Variants in ADAMTSL2 observed in about 807,000 individuals in gnomAD.
ADAMTSL2 encodes ADAMTS like 2.
Under a neutral mutation model 117.0 loss-of-function variants are expected in ADAMTSL2, and 55 were observed. That is an observed-to-expected ratio of 0.47 (90% CI 0.38 to 0.59). The LOEUF is 0.59. Among genes scored for constraint, ADAMTSL2 ranks in the 20% least tolerant of loss-of-function variants. ADAMTSL2 has a pLI of 0.00. For missense variants in ADAMTSL2, 1,182 were observed against 1,354.5 expected (o/e 0.87, Z 2.00); for synonymous variants, 572 against 566.4 (o/e 1.01, Z -0.14).
At position 133,562,737 on chromosome 9, in the gene ADAMTSL2, C is replaced by T. The variant is rs1224713562; in HGVS notation, c.1747+1442C>T. ...TTGGCCAGGCTCGCACCGCCGTGGGCGGCGTGGTGGGCACCGGCTTGGCCA... is the reference window on the plus strand; with the variant it reads ...TTGGCCAGGCTCGCACCGCCGTGGGTGGCGTGGTGGGCACCGGCTTGGCCA... On this transcript the variant is annotated intron_variant, in intron 12 of 18. Coordinates refer to ENST00000651351, the MANE Select transcript of ADAMTSL2 (RefSeq NM_014694.4). Among the ~76,000 whole-genome samples, 15 of 122,650 alleles carry T rather than the reference C, an allele frequency of 1.2e-4. 1 individual carries two copies. The highest frequency in any genetic ancestry group is 1.7e-4 in the Admixed American group (2 of 12,036). The allele number at this position is 122,650 out of a possible 152,430, so 80.5% of individuals were successfully genotyped here.
chr9:133,539,702 TA>T, intron 4 of ADAMTSL2, 68 bp from the exon 5 acceptor site: 1 of 369,218 alleles, frequency 2.7e-6, no homozygotes, highest in Non-Finnish European at 4.0e-6. Flanking sequence ...ACTTCCTGCT[TA>T]GCCTGGACAA....
rs781523067 is a variant in ADAMTSL2, at chr9:133,554,896, G to T, written c.1276+203G>T. On this transcript the variant is annotated intron_variant, in intron 10 of 18. Coordinates refer to ENST00000651351, the MANE Select transcript of ADAMTSL2 (RefSeq NM_014694.4). The surrounding 1 kb of genome is among the most constrained non-coding windows in gnomAD (Gnocchi z 5.2). ...TGTCCATGCATTCTTTGAGGTAGAT[G>T]TGGTTATCCCCATTTGATGGATGGG... 6.6e-6 allele frequency among the ~76,000 whole-genome samples: 1 copy of T among 152,216 alleles called. No individual in the cohort carries two copies. The highest frequency in any genetic ancestry group is 2.1e-4 in the South Asian group (1 of 4,836).
intron 4 of ADAMTSL2, 85 bp from the exon 5 acceptor site, chr9:133,539,686 G>GTCCCGGCTGTCCCGGCTGTC (rs1554810799): frequency 1.7e-3 from 2,201 of 1,305,678 alleles, no homozygotes; most frequent in Non-Finnish European, 2.0e-3. Context: ...TGTCCCGGCT[G>GTCCCGGCTGTCCCGGCTGTC]CAGCCACTTC....
At chr9:133,537,218 G>A (rs1830072799) in intron 2 of ADAMTSL2, among the ~76,000 whole-genome samples, 187 bp from the exon 3 acceptor site, 1 of 152,184 alleles carries the variant, frequency 6.6e-6, no homozygotes, top group African/African-American at 2.4e-5. Flanking sequence ...ACGGTTCCTT[G>A]GGAGTTCCCC....
chr9:133,546,740 C>T (rs954434367), intron 8 of ADAMTSL2, among the ~76,000 whole-genome samples: 1 of 152,202 alleles, frequency 6.6e-6, no homozygotes, highest in Non-Finnish European at 1.5e-5. Context: ...ACCTCATTAC[C>T]TTGCAGCCCC....
In ADAMTSL2 at chr9:133,566,917, AC is replaced by A. The variant is rs113710813; in HGVS notation, c.1748-15del. The A allele has an allele frequency of 6.3e-6, 10 of 1,599,514 alleles. No individual in the cohort carries two copies. The African/African-American group carries it at 1.1e-4, about 17-fold the overall frequency. ...AGGTGCCGGCATGGCTCACAGACCC[AC>A]CCCTGTCCCCAACCCAGGGGTCATG... On this transcript the variant is annotated intron_variant, in intron 12 of 18. Transcript: ENST00000651351.
At chr9:133,539,100 C>T (rs181015447) in intron 4 of ADAMTSL2, among the ~76,000 whole-genome samples, 133 of 152,186 alleles carry the variant, frequency 8.7e-4, no homozygotes, top group East Asian at 5.8e-3. Flanking sequence ...GGGGTGTGTG[C>T]GCACGTGCAG....
chr9:133,549,787 C>T (rs558241547), intron 9 of ADAMTSL2, among the ~76,000 whole-genome samples: 1 of 152,308 alleles, frequency 6.6e-6, no homozygotes, highest in African/African-American at 2.4e-5. Context: ...CCGTGTGTGG[C>T]CGCAGCCTAA....
rs1464941039 is a variant in ADAMTSL2, at chr9:133,562,897, G to A, written c.1747+1602G>A. Among the ~76,000 whole-genome samples, 3 of 119,030 alleles carry A rather than the reference G, an allele frequency of 2.5e-5. No homozygotes were observed. The South Asian group carries it at 7.4e-4, about 29-fold the overall frequency. The allele number at this position is 119,030 out of a possible 152,430, so 78.1% of individuals were successfully genotyped here. Reference sequence around the variant, plus strand: ...GCGTGGTGGGCACCCGGCTTGGCCAGGCTTGCACCGCTGTGGGCGGCGTGG... The same window carrying A: ...GCGTGGTGGGCACCCGGCTTGGCCAAGCTTGCACCGCTGTGGGCGGCGTGG... On this transcript the variant is annotated intron_variant, in intron 12 of 18. Coordinates refer to ENST00000651351, the MANE Select transcript of ADAMTSL2 (RefSeq NM_014694.4).
intron 12 of ADAMTSL2, among the ~76,000 whole-genome samples, chr9:133,563,650 G>A (rs1445775246): frequency 1.3e-5 from 2 of 152,112 alleles, no homozygotes; most frequent in African/African-American, 2.4e-5. Context: ...CAGGGAGGGG[G>A]CTGGACTGGG....
intron 1 of ADAMTSL2, 119 bp from the exon 2 acceptor site, chr9:133,536,444 A>G: frequency 7.2e-7 from 1 of 1,395,376 alleles, no homozygotes; most frequent in South Asian, 1.5e-5. Flanking sequence ...CAAGGGTGGC[A>G]CAGGCTTAGC....
chr9:133,537,439 G>A lies in ADAMTSL2; in HGVS notation c.125G>A (p.Gly42Asp), dbSNP rs200619761. Residue 42 changes from glycine (G) to aspartate (D), a missense_variant, in exon 3 of 19, where the codon GGC becomes GAC. Coordinates refer to ENST00000651351, the MANE Select transcript of ADAMTSL2 (RefSeq NM_014694.4). The part of the protein sequence containing the change: ...NSPTSNSLEG[G>D]TDATAFWWGE... The stretch of plus-strand genomic sequence containing the variant: ...CCAACATCCAATAGCCTGGAGGGGG[G>A]CACCGACGCCACGGCCTTCTGGTGG... 4.5e-6 allele frequency: 6 copies of A among 1,347,514 alleles called. No homozygotes were observed. Among genetic ancestry groups the A allele is most frequent in the Non-Finnish European group, 5.8e-6 (6 of 1,041,098 alleles). The allele number at this position is 1,347,514 out of a possible 1,614,324, so 83.5% of individuals were successfully genotyped here. A position where few individuals can be genotyped will look rare whatever the true frequency, so the allele number is the denominator to read the frequency against.
Position 133,568,263 on chromosome 9 carries a change from C to T in ADAMTSL2, c.1875-10C>T. Reference sequence around the variant, plus strand: ...GGGGGATCATTGAAGGCCATCCGCTCCCGGGGCAGGTGGGAGACGAGCAGC... The same window carrying T: ...GGGGGATCATTGAAGGCCATCCGCTTCCGGGGCAGGTGGGAGACGAGCAGC... On this transcript the variant is annotated splice_polypyrimidine_tract_variant and intron_variant, in intron 13 of 18. Transcript: ENST00000651351. The T allele has an allele frequency of 6.4e-7, 1 of 1,557,076 alleles. No individual in the cohort carries two copies. Among genetic ancestry groups the T allele is most frequent in the South Asian group, 1.2e-5 (1 of 84,790 alleles).
chr9:133,554,437 G>A lies in ADAMTSL2; in HGVS notation c.1020G>A (p.Gln340=), dbSNP rs1296507734. 1.3e-6 allele frequency: 2 copies of A among 1,563,842 alleles called. No homozygotes were observed. The highest frequency in any genetic ancestry group is 1.3e-5 in the African/African-American group (1 of 74,246). The part of the protein sequence containing the change: ...LLQPPHESRP[Q]PIYYGFSESA... ...AGCCGCCACACGAGAGCCGCCCCCA[G>A]CCCATCTACTATGGCTTCTCCGAGA... Residue 340 remains glutamine (Q), a synonymous_variant, in exon 10 of 19, where the codon CAG becomes CAA. Transcript: ENST00000651351. The surrounding 1 kb of genome is among the most constrained non-coding windows in gnomAD (Gnocchi z 5.2).
At chr9:133,546,922 G>C in intron 8 of ADAMTSL2, 116 bp from the exon 9 acceptor site, 4 of 1,078,998 alleles carry the variant, frequency 3.7e-6, no homozygotes, top group Non-Finnish European at 5.7e-6. Flanking sequence ...CCTGTCTCGG[G>C]AGCATTTGAG....
chr9:133,557,601 G>A lies in ADAMTSL2; in HGVS notation c.1649+1671G>A, dbSNP rs1012113145. ...CCAGACAGTGCCTGCCTGTGGGAAC[G>A]GCACTACTCAAGGCTGCCAGTCTGT... On this transcript the variant is annotated intron_variant, in intron 11 of 18. Coordinates refer to ENST00000651351, the MANE Select transcript of ADAMTSL2 (RefSeq NM_014694.4). The surrounding 1 kb of genome is among the most constrained non-coding windows in gnomAD (Gnocchi z 5.2). Among the ~76,000 whole-genome samples, 44 of 152,290 alleles carry A rather than the reference G, an allele frequency of 2.9e-4. No homozygotes were observed. Among genetic ancestry groups the A allele is most frequent in the East Asian group, 9.6e-4 (5 of 5,186 alleles).
At chr9:133,536,914 C>T in intron 2 of ADAMTSL2, 112 bp downstream of exon 2, 2 of 1,526,982 alleles carry the variant, frequency 1.3e-6, no homozygotes, top group South Asian at 1.2e-5. Flanking sequence ...GCCCCAGGTC[C>T]CAGAACCCAT....
intron 17 of ADAMTSL2, among the ~76,000 whole-genome samples, chr9:133,570,981 G>T (rs1464284668): frequency 1.3e-5 from 2 of 152,194 alleles, no homozygotes; most frequent in Non-Finnish European, 2.9e-5. Flanking sequence ...GGGGCCAGAG[G>T]GAAGGGCAGT....
rs539803954 is a variant in ADAMTSL2, at chr9:133,539,806, G to A, written c.345G>A (p.Glu115=). ...CPPDGRSFRE[E]QCVSFNSHVY... Reference sequence around the variant, plus strand: ...CGGACGGGAGGAGCTTCCGCGAGGAGCAGTGCGTCTCCTTCAACTCCCACG... The same window carrying A: ...CGGACGGGAGGAGCTTCCGCGAGGAACAGTGCGTCTCCTTCAACTCCCACG... The change falls in exon 5 of 19, where the codon GAG becomes GAA. Residue 115 remains glutamate (E), a synonymous_variant. Transcript: ENST00000651351. 1 of 1,551,070 alleles carries A rather than the reference G, an allele frequency of 6.4e-7. No individual in the cohort carries two copies. The highest frequency in any genetic ancestry group is 1.2e-5 in the South Asian group (1 of 84,060).
Sources: gnomAD v4.1 joint callset for allele counts (sites outside exome capture counted in the v4.1 genomes callset) on GRCh38, gnomAD v4.1.1 for gene constraint, Gnocchi (gnomAD v3.1) non-coding constraint, MANE v1.5 for transcripts, NCBI Gene and HGNC (gene_info 2026-07-23, HGNC 2026-07-21) for gene names.